DIPK1B: variants seen among roughly 807,000 people sequenced by gnomAD.
DIPK1B encodes family with sequence similarity 69 member B.
A neutral mutation model predicts 20.7 loss-of-function variants in DIPK1B; 17 were observed. The observed-to-expected ratio is 0.82, with a 90% CI of 0.56 to 1.23. The LOEUF (loss-of-function observed/expected upper bound fraction) is 1.23, where lower values mean the gene tolerates loss of function less well. Ranked by LOEUF, DIPK1B falls within the 50% of genes most tolerant of loss-of-function variation. The pLI, the probability that DIPK1B is intolerant of heterozygous loss-of-function variation, is 0.00. For synonymous variants in DIPK1B, 343 were observed against 276.5 expected, an observed-to-expected ratio of 1.24 and a Z score of -2.39; for missense variants, 648 against 601.8, an observed-to-expected ratio of 1.08 and a Z score of -0.80.
At chr9:136,721,863 G>A in intron 2 of DIPK1B, 58 bp from the exon 3 acceptor site, 2 of 1,516,652 alleles carry the variant, frequency 1.3e-6, no homozygotes, top group Non-Finnish European at 1.8e-6. Context: ...GTGGGCAGGG[G>A]CTCAGTGGGG....
At chr9:136,715,380 C>A (rs1846482064) in intron 1 of DIPK1B, among the ~76,000 whole-genome samples, 1 of 152,216 alleles carries the variant, frequency 6.6e-6, no homozygotes, top group South Asian at 2.1e-4. Context: ...AGAGCCGGTG[C>A]CTGAGCCTCC....
chr9:136,716,264 CTTTTTTTTT>C (rs71385760), intron 1 of DIPK1B, among the ~76,000 whole-genome samples: 1 of 121,268 alleles, frequency 8.2e-6, no homozygotes, highest in East Asian at 2.4e-4. Context: ...GAGTCTGTGT[CTTTTTTTTT>C]TTTTTTTTTT....
intron 2 of DIPK1B, chr9:136,721,501 A>C: frequency 1.1e-5 from 2 of 184,054 alleles, no homozygotes; most frequent in Non-Finnish European, 2.3e-5. Context: ...TGGTGTAGAT[A>C]TTAGGGACTA....
intron 2 of DIPK1B, 135 bp from the exon 3 acceptor site, chr9:136,721,786 C>A: frequency 2.7e-6 from 2 of 743,950 alleles, no homozygotes; most frequent in Non-Finnish European, 4.4e-6. Context: ...GGCCCCGGCA[C>A]TGCCTGTGTG....
In DIPK1B at chr9:136,723,073, G is replaced by A; in HGVS notation, c.595G>A (p.Ala199Thr). The change falls in exon 5 of 5, where the codon GCC becomes ACC. Residue 199 changes from alanine to threonine, a missense_variant. Transcript: ENST00000371692. ...VSLAEAKSVW[A>T]LLQRNEFLLL... The stretch of plus-strand genomic sequence containing the variant: ...CCTGGCGGAAGCCAAGTCCGTGTGG[G>A]CCCTGCTGCAGCGTAACGAGTTCCT... 1.9e-6 allele frequency: 3 copies of A among 1,613,614 alleles called. No individual in the cohort carries two copies. The highest frequency in any genetic ancestry group is 2.5e-6 in the Non-Finnish European group (3 of 1,180,038).
chr9:136,714,343 C>T (rs1342989767), intron 1 of DIPK1B, among the ~76,000 whole-genome samples: 1 of 152,188 alleles, frequency 6.6e-6, no homozygotes, highest in Non-Finnish European at 1.5e-5. Flanking sequence ...ACAACAACAA[C>T]GAAAGAGCTG....
rs1354123152 is a variant in DIPK1B at position 136,724,321 on chromosome 9, A to G, written c.*547A>G. On this transcript the variant is annotated 3_prime_UTR_variant, in exon 5 of 5. Coordinates refer to ENST00000371692, the MANE Select transcript of DIPK1B (RefSeq NM_152421.4). The stretch of plus-strand genomic sequence containing the variant: ...AAACCTGGGCTGTGCACAACAGACC[A>G]AGAAAAAGGTGTTCCAGTAAGAAAA... 6.6e-6 allele frequency among the ~76,000 whole-genome samples: 1 copy of G among 152,250 alleles called. No homozygotes were observed. The highest frequency in any genetic ancestry group is 1.5e-5 in the Non-Finnish European group (1 of 68,044).
chr9:136,712,712 T>A lies in DIPK1B; in HGVS notation c.47T>A (p.Phe16Tyr). ...GCGCACCTGGTGCTCTTCTGCCCCT[T>A]CTCCAAGCGCCTGCAGGTAAGCGCG... ...RLAHLVLFCP[F>Y]SKRLQGRLPG... Residue 16 changes from phenylalanine to tyrosine, a missense_variant, in exon 1 of 5, where the codon TTC (phenylalanine) becomes TAC (tyrosine). Transcript: ENST00000371692. The surrounding 1 kb of genome is among the most constrained non-coding windows in gnomAD (Gnocchi z 5.6). The A allele has an allele frequency of 7.3e-7, 1 of 1,365,156 alleles. No homozygotes were observed. Among genetic ancestry groups the A allele is most frequent in the Non-Finnish European group, 9.4e-7 (1 of 1,060,732 alleles). The allele number at this position is 1,365,156 out of a possible 1,614,324, so 84.6% of individuals were successfully genotyped here.
At position 136,717,323 on chromosome 9, in the gene DIPK1B, G is replaced by A. The variant is rs200310189; in HGVS notation, c.64-254G>A. Among the ~76,000 whole-genome samples, 33 of 152,246 alleles carry A rather than the reference G, an allele frequency of 2.2e-4. No homozygotes were observed. In the East Asian group the frequency reaches 6.2e-3, roughly 29 times the overall value. On this transcript the variant is annotated intron_variant, in intron 1 of 4. Transcript: ENST00000371692. ...TTTATTTGTACCTGCCCATAACACTGAAAAGTCTGGGCAGCGCCTGCCCCC... is the reference window on the plus strand; with the variant it reads ...TTTATTTGTACCTGCCCATAACACTAAAAAGTCTGGGCAGCGCCTGCCCCC...
At chr9:136,719,451 G>T (rs1449131274) in intron 2 of DIPK1B, among the ~76,000 whole-genome samples, 1 of 152,220 alleles carries the variant, frequency 6.6e-6, no homozygotes, top group African/African-American at 2.4e-5. Flanking sequence ...GCCTCAGAGA[G>T]GCGCAGAGGC....
intron 2 of DIPK1B, among the ~76,000 whole-genome samples, chr9:136,720,065 G>A (rs1372725517): frequency 2.0e-5 from 3 of 150,850 alleles, no homozygotes; most frequent in Non-Finnish European, 3.0e-5. Context: ...GGTGCAGGGG[G>A]CTGGTCTGGG....
In DIPK1B at chr9:136,723,222, GC is replaced by G; in HGVS notation, c.745del (p.Arg249AlafsTer106). The G allele has an allele frequency of 1.2e-6, 2 of 1,612,192 alleles. No homozygotes were observed. Among genetic ancestry groups the G allele is most frequent in the South Asian group, 2.2e-5 (2 of 91,034 alleles). On this transcript the variant is annotated frameshift_variant, in exon 5 of 5. Coordinates refer to ENST00000371692, the MANE Select transcript of DIPK1B (RefSeq NM_152421.4). LOFTEE classifies it low-confidence loss of function (END_TRUNC). ...WHAAALPPLL[R>X]PLLPPALQGA... Reference sequence around the variant, plus strand: ...ACGCGGCCGCCCTTCCACCCCTGTTGCGCCCACTGCTGCCGCCTGCCCTGCA... The same window carrying G: ...ACGCGGCCGCCCTTCCACCCCTGTTGGCCCACTGCTGCCGCCTGCCCTGCA...
chr9:136,719,526 C>T (rs1846556980), intron 2 of DIPK1B, among the ~76,000 whole-genome samples: 1 of 152,228 alleles, frequency 6.6e-6, no homozygotes, highest in Non-Finnish European at 1.5e-5. Context: ...CCAGGGCCCT[C>T]GCGAGGCCAA....
intron 1 of DIPK1B, among the ~76,000 whole-genome samples, chr9:136,714,406 C>T (rs1387793651): frequency 6.6e-6 from 1 of 152,226 alleles, no homozygotes; most frequent in Non-Finnish European, 1.5e-5. Flanking sequence ...CAAGCCCAGT[C>T]GGGGCTCTGG....
intron 2 of DIPK1B, among the ~76,000 whole-genome samples, chr9:136,718,204 CCAGG>C (rs1564307855): frequency 3.2e-4 from 9 of 28,388 alleles, no homozygotes; most frequent in African/African-American, 8.4e-4. Flanking sequence ...CCTCACTGGT[CCAGG>C]ATAGAGACCA....
chr9:136,723,830 A>C lies in DIPK1B; in HGVS notation c.*56A>C. 6.7e-7 allele frequency: 1 copy of C among 1,486,380 alleles called. No individual in the cohort carries two copies. The allele number at this position is 1,486,380 out of a possible 1,614,324, so 92.1% of individuals were successfully genotyped here. Reference sequence around the variant, plus strand: ...TGGAGCTGGCCAGGTGCCAGGGTCCAACCCTCCCTCAAGGAATCCTGTCAG... The same window carrying C: ...TGGAGCTGGCCAGGTGCCAGGGTCCCACCCTCCCTCAAGGAATCCTGTCAG... On this transcript the variant is annotated 3_prime_UTR_variant, in exon 5 of 5. Coordinates refer to ENST00000371692, the MANE Select transcript of DIPK1B (RefSeq NM_152421.4).
intron 2 of DIPK1B, among the ~76,000 whole-genome samples, chr9:136,720,488 G>A (rs532400697): frequency 1.0e-3 from 154 of 152,234 alleles, no homozygotes; most frequent in African/African-American, 3.4e-3. Context: ...CCAGAGGGGC[G>A]GGCCAGCTCC....
chr9:136,718,325 C>A (rs1389091526), intron 2 of DIPK1B, among the ~76,000 whole-genome samples: 1 of 152,088 alleles, frequency 6.6e-6, no homozygotes, highest in East Asian at 1.9e-4. Context: ...GCTAGCCCCC[C>A]TGGGACCAGG....
At position 136,723,732 on chromosome 9, in the gene DIPK1B, G is replaced by A; in HGVS notation, c.1254G>A (p.Lys418=). The part of the protein sequence containing the change: ...AHHSLVLSHL[K]TLLWKKISNT... ...ACTCGCTGGTGCTCAGCCACCTCAA[G>A]ACTCTGCTCTGGAAGAAGATCTCCA... Residue 418 remains lysine (K), a synonymous_variant, in exon 5 of 5, where the codon AAG becomes AAA. Transcript: ENST00000371692. 4 of 1,535,654 alleles carry A rather than the reference G, an allele frequency of 2.6e-6. No individual in the cohort carries two copies. Among genetic ancestry groups the A allele is most frequent in the South Asian group, 1.2e-5 (1 of 83,992 alleles).
Sources: gnomAD v4.1 joint callset for allele counts (sites outside exome capture counted in the v4.1 genomes callset) on GRCh38, gnomAD v4.1.1 for gene constraint, Gnocchi (gnomAD v3.1) non-coding constraint, MANE v1.5 for transcripts, NCBI Gene and HGNC (gene_info 2026-07-23, HGNC 2026-07-21) for gene names.